Variants in CENPI observed in about 807,000 individuals in gnomAD.
CENPI encodes the protein centromere protein I, also known as FSH primary response 1.
A neutral mutation model predicts 60.4 loss-of-function variants in CENPI; 4 were observed. That is an observed-to-expected ratio of 0.07 (90% confidence interval 0.03 to 0.15). CENPI has a LOEUF of 0.15. Among genes scored for constraint, CENPI ranks in the 10% least tolerant of loss-of-function variants. The pLI, the probability that CENPI is intolerant of heterozygous loss-of-function variation, is 1.00. For missense variants in CENPI, 444 were observed against 534.5 expected, an observed-to-expected ratio of 0.83 and a Z score of 1.67; for synonymous variants, 157 against 189.4, an observed-to-expected ratio of 0.83 and a Z score of 1.40.
intron 6 of CENPI, among the ~76,000 whole-genome samples, chrX:101,112,456 T>G (rs1198307260): frequency 8.9e-6 from 1 of 111,983 alleles, no homozygotes; most frequent in African/African-American, 3.2e-5. Context: ...AGTACAGAGC[T>G]TTTATTGAGA....
intron 6 of CENPI, among the ~76,000 whole-genome samples, chrX:101,114,875 A>G (rs1399460319): frequency 6.3e-5 from 7 of 111,195 alleles, no homozygotes; most frequent in Non-Finnish European, 1.3e-4. Flanking sequence ...TCCTGACCTC[A>G]GGTGATTCGC....
At chrX:101,160,548 T>G (rs1333341540) in intron 20 of CENPI, among the ~76,000 whole-genome samples, 1 of 107,814 alleles carries the variant, frequency 9.3e-6, no homozygotes, top group Non-Finnish European at 1.9e-5. Flanking sequence ...GCCTGGCTAA[T>G]TTTTGTATTT....
chrX:101,161,159 GTTTA>G (rs1270829878), intron 20 of CENPI, among the ~76,000 whole-genome samples: 1 of 112,048 alleles, frequency 8.9e-6, no homozygotes, highest in African/African-American at 3.2e-5. Context: ...GTTATACATA[GTTTA>G]TTTATTTAAA....
the CENPI span, among the ~76,000 whole-genome samples, chrX:101,173,314 C>CTT: frequency 0.18 from 9,194 of 50,409 alleles, 1,576 homozygotes; most frequent in Non-Finnish European, 0.21. Context: ...TGCCTGGCCT[C>CTT]TTTTTTTTTT....
chrX:101,127,087 G>A, intron 9 of CENPI, 51 bp from the exon 10 acceptor site: 1 of 1,009,881 alleles, frequency 9.9e-7, no homozygotes, highest in South Asian at 2.7e-5. Context: ...ACTTTATGTT[G>A]CTTCAGTTTA....
chrX:101,098,665 T>C (rs758136920), intron 2 of CENPI, 126 bp downstream of exon 2: 1 of 111,614 alleles, frequency 9.0e-6, no homozygotes, highest in South Asian at 3.8e-4. Context: ...TTTGTCTAAC[T>C]CCAAAACATT....
At chrX:101,143,227 C>CTT (rs1166698312) in intron 16 of CENPI, among the ~76,000 whole-genome samples, 1 of 110,686 alleles carries the variant, frequency 9.0e-6, no homozygotes, top group Non-Finnish European at 1.9e-5. Flanking sequence ...CTCTGAAACT[C>CTT]TAAGATTATA....
At chrX:101,123,909 C>A (rs2089705931) in intron 8 of CENPI, among the ~76,000 whole-genome samples, 2 of 111,588 alleles carry the variant, frequency 1.8e-5, no homozygotes, top group South Asian at 7.4e-4. Context: ...CTTATTTGTT[C>A]ATATTTAAAA....
At chrX:101,143,720 G>T (rs1189398646) in intron 16 of CENPI, among the ~76,000 whole-genome samples, 1 of 111,494 alleles carries the variant, frequency 9.0e-6, no homozygotes, top group Non-Finnish European at 1.9e-5. Context: ...GTAGAGATGG[G>T]GTTTCACCAT....
In CENPI at chrX:101,161,533, C is replaced by A; in HGVS notation, c.2100C>A (p.Ser700Arg). 5.0e-6 allele frequency: 6 copies of A among 1,208,445 alleles called. No homozygotes were observed. The highest frequency in any genetic ancestry group is 6.7e-6 in the Non-Finnish European group (6 of 893,053). Reference sequence around the variant, plus strand: ...TTTGTTTGTTTGTTTTTAAGGAAAGCCCAGAAGAAAGGACAGTAAATGTGA... The same window carrying A: ...TTTGTTTGTTTGTTTTTAAGGAAAGACCAGAAGAAAGGACAGTAAATGTGA... ...SYAVSFLLQE[S>R]PEERTVNVSS... Residue 700 changes from serine to arginine, a missense_variant, in exon 21 of 22, where the codon AGC becomes AGA. Ser to Arg is a moderately radical substitution (Grantham distance 110). Transcript: ENST00000682095.
chrX:101,179,241 C>T, the CENPI span, among the ~76,000 whole-genome samples: 2 of 111,863 alleles, frequency 1.8e-5, no homozygotes, highest in Non-Finnish European at 3.8e-5. Context: ...TCACCTGTGC[C>T]GGACGTTTCA....
chrX:101,174,879 G>T, the CENPI span, among the ~76,000 whole-genome samples: 1 of 111,553 alleles, frequency 9.0e-6, no homozygotes, highest in Non-Finnish European at 1.9e-5. Context: ...AGGCCGAGGC[G>T]GGTGGATCAC....
chrX:101,160,004 A>G (rs1172851384), intron 20 of CENPI, among the ~76,000 whole-genome samples: 1 of 112,456 alleles, frequency 8.9e-6, no homozygotes, highest in Non-Finnish European at 1.9e-5. Flanking sequence ...TAAATAGAAT[A>G]TGGAATTCAT....
chrX:101,145,980 A>C (rs1386671612), intron 17 of CENPI, among the ~76,000 whole-genome samples, 173 bp from the exon 18 acceptor site: 2 of 110,028 alleles, frequency 1.8e-5, no homozygotes, highest in Non-Finnish European at 3.8e-5. Context: ...AGTGTGGCTG[A>C]TGTTTGGTGA....
chrX:101,109,836 A>C (rs761321589), intron 5 of CENPI, 55 bp from the exon 6 acceptor site: 9 of 869,562 alleles, frequency 1.0e-5, no homozygotes, highest in South Asian at 6.9e-5. Context: ...GCGGAATTAA[A>C]CTCTTCTGTA....
chrX:101,162,782 A>G (rs1341061812), intron 21 of CENPI, 51 bp from the exon 22 acceptor site: 3 of 1,177,788 alleles, frequency 2.5e-6, no homozygotes, highest in Non-Finnish European at 3.5e-6. Context: ...AAATAGAGAA[A>G]AAGCATAGTA....
Position 101,109,813 on chromosome X carries a change from C to T in CENPI, c.484-78C>T, listed in dbSNP as rs759937214. ...GAAGCTTCTAAAATAGCCCTGGTGG[C>T]GGGGGACGGGGGGCGGAATTAAACT... On this transcript the variant is annotated intron_variant, in intron 5 of 21. Coordinates refer to ENST00000682095, the MANE Select transcript of CENPI (RefSeq NM_001386188.2). 280 of 686,759 alleles carry T rather than the reference C, an allele frequency of 4.1e-4. No homozygotes were observed. The East Asian group carries it at 7.0e-3, about 17-fold the overall frequency. 56.6% of individuals were successfully genotyped at this position (686,759 alleles called of 1,213,427 possible). A position where few individuals can be genotyped will look rare whatever the true frequency, so the allele number is the denominator to read the frequency against.
the CENPI span, among the ~76,000 whole-genome samples, chrX:101,173,867 C>T: frequency 9.0e-6 from 1 of 110,753 alleles, no homozygotes. Flanking sequence ...ATCAGACAAA[C>T]GTCTAATATC....
Position 101,127,566 on chromosome X carries a change from A to G in CENPI, c.975A>G (p.Lys325=). The G allele has an allele frequency of 8.3e-7, 1 of 1,197,776 alleles. No homozygotes were observed. The highest frequency in any genetic ancestry group is 2.3e-4 in the Middle Eastern group (1 of 4,300). Residue 325 remains lysine, a synonymous_variant, in exon 11 of 22, where the codon AAA becomes AAG. Transcript: ENST00000682095. Reference sequence around the variant, plus strand: ...GCTACACTAAAGAATGTGGAAAAAAAGAGATGAGTCTTTCTGATTGTCTGA... The same window carrying G: ...GCTACACTAAAGAATGTGGAAAAAAGGAGATGAGTCTTTCTGATTGTCTGA... ...SSSYTKECGK[K]EMSLSDCLNR... is the part of the protein sequence containing the mutation.
Sources: allele counts gnomAD v4.1 joint callset (sites outside exome capture counted in the v4.1 genomes callset), GRCh38; gene constraint gnomAD v4.1.1; transcripts MANE v1.5; gene names NCBI Gene and HGNC (gene_info 2026-07-23, HGNC 2026-07-21).